The following ASIC2 variants were observed in gnomAD, a reference collection of about 807,000 sequenced individuals.
The protein encoded by ASIC2 is acid-sensing ion channel 2.
A neutral mutation model predicts 57.3 loss-of-function variants in ASIC2; 25 were observed. That is an observed-to-expected ratio of 0.44 (90% CI 0.32 to 0.61). The LOEUF is 0.61. ASIC2 is among the 20% of genes least tolerant of loss of function. The probability of loss-of-function intolerance (pLI) is 0.06; values close to 1 mark genes in which losing one functional copy is unlikely to be tolerated. For synonymous variants in ASIC2, 319 were observed against 307.5 expected (o/e 1.04, Z -0.39); for missense variants, 641 against 738.1 (o/e 0.87, Z 1.52).
intron 1 of ASIC2, among the ~76,000 whole-genome samples, chr17:33,355,484 G>T (rs1908341199): frequency 6.6e-6 from 1 of 151,940 alleles, no homozygotes; most frequent in East Asian, 1.9e-4. Context: ...AAATTTTCTG[G>T]AGCAGGATTT....
chr17:33,866,374 A>G (rs1272810704), intron 1 of ASIC2, among the ~76,000 whole-genome samples: 2 of 152,116 alleles, frequency 1.3e-5, no homozygotes, highest in Non-Finnish European at 2.9e-5. Flanking sequence ...ATTATATTCC[A>G]TTGTATGGAT....
intron 2 of ASIC2, among the ~76,000 whole-genome samples, chr17:33,104,024 T>C (rs2092225068): frequency 6.6e-6 from 1 of 152,174 alleles, no homozygotes; most frequent in African/African-American, 2.4e-5. Context: ...TCTCAAATGA[T>C]GTCTATTGGC....
chr17:33,311,700 TC>T (rs1420995058), intron 1 of ASIC2, among the ~76,000 whole-genome samples: 4 of 152,104 alleles, frequency 2.6e-5, no homozygotes, highest in Non-Finnish European at 4.4e-5. Context: ...GTGGCAGGTA[TC>T]CCAGAAGGAA....
intron 1 of ASIC2, among the ~76,000 whole-genome samples, chr17:33,288,758 AC>A (rs1362400226): frequency 1.3e-5 from 2 of 150,404 alleles, no homozygotes; most frequent in African/African-American, 2.5e-5. Flanking sequence ...ACACACACAC[AC>A]AACTAATATG....
chr17:33,746,052 A>G (rs1254278280), intron 1 of ASIC2, among the ~76,000 whole-genome samples: 2 of 152,096 alleles, frequency 1.3e-5, no homozygotes, highest in African/African-American at 4.8e-5. Context: ...ACAGGAGCAA[A>G]ATCATATTGG....
Position 33,067,707 on chromosome 17 carries a change from C to T in ASIC2, c.987+21156G>A, listed in dbSNP as rs192707774. Among the ~76,000 whole-genome samples the T allele has an allele frequency of 3.9e-5, 6 of 152,240 alleles. No individual in the cohort carries two copies. The East Asian group carries it at 9.7e-4, about 24-fold the overall frequency. ...TGACTTTCCAGAATGTCTCAATTGC[C>T]TGAAATATAACTGAACTCTCATCAG... On this transcript the variant is annotated intron_variant, in intron 3 of 9. Coordinates refer to ENST00000225823, the MANE Select transcript of ASIC2 (RefSeq NM_183377.2).
intron 1 of ASIC2, among the ~76,000 whole-genome samples, chr17:33,263,278 G>A (rs1021722685): frequency 6.6e-6 from 1 of 152,200 alleles, no homozygotes; most frequent in African/African-American, 2.4e-5. Context: ...TGAGGACAAT[G>A]CATCTCAGAA....
intron 1 of ASIC2, among the ~76,000 whole-genome samples, chr17:33,955,741 G>A (rs1904715227): frequency 6.6e-6 from 1 of 152,068 alleles, no homozygotes; most frequent in African/African-American, 2.4e-5. Context: ...CTGAGCTCCA[G>A]CCCAACAGGG....
intron 1 of ASIC2, among the ~76,000 whole-genome samples, chr17:33,548,107 T>A (rs1313624370): frequency 1.3e-5 from 2 of 152,134 alleles, no homozygotes; most frequent in African/African-American, 4.8e-5. Flanking sequence ...TATTAAGAGA[T>A]CACTAGTTCA....
intron 1 of ASIC2, among the ~76,000 whole-genome samples, chr17:33,607,319 C>A (rs1905255478): frequency 1.3e-5 from 2 of 152,102 alleles, no homozygotes; most frequent in Admixed American, 6.5e-5. Context: ...AAACATCAAC[C>A]CTGAGGGTGT....
chr17:33,456,644 G>A (rs944609432), intron 1 of ASIC2, among the ~76,000 whole-genome samples: 4 of 152,218 alleles, frequency 2.6e-5, no homozygotes, highest in African/African-American at 9.7e-5. Flanking sequence ...CAGGTGCTTA[G>A]CAGGTGATGG....
intron 1 of ASIC2, among the ~76,000 whole-genome samples, chr17:33,563,963 G>A (rs547538166): frequency 1.8e-4 from 28 of 152,142 alleles, no homozygotes; most frequent in Non-Finnish European, 2.8e-4. Context: ...TCTGGTACTC[G>A]AATATTTCTT....
chr17:33,708,420 G>A (rs147817980), intron 1 of ASIC2, among the ~76,000 whole-genome samples: 1 of 152,014 alleles, frequency 6.6e-6, no homozygotes, highest in Admixed American at 6.5e-5. Flanking sequence ...CTTCATAAGC[G>A]CATGCTTTTA....
At chr17:33,893,992 G>T (rs181016315) in intron 1 of ASIC2, among the ~76,000 whole-genome samples, 1 of 150,858 alleles carries the variant, frequency 6.6e-6, no homozygotes, top group Non-Finnish European at 1.5e-5. Flanking sequence ...TGCCCCTTGA[G>T]CATCATCTGA....
intron 1 of ASIC2, among the ~76,000 whole-genome samples, chr17:33,646,501 T>G (rs1906744645): frequency 6.6e-6 from 1 of 152,100 alleles, no homozygotes; most frequent in African/African-American, 2.4e-5. Flanking sequence ...GGAAGACGAG[T>G]GTGCTCTTGG....
intron 1 of ASIC2, among the ~76,000 whole-genome samples, chr17:33,468,673 CCCCCA>C (rs1187459437): frequency 6.6e-6 from 1 of 150,694 alleles, no homozygotes; most frequent in Non-Finnish European, 1.5e-5. Context: ...TATATGTATA[CCCCCA>C]CCCCACCCCC....
intron 1 of ASIC2, among the ~76,000 whole-genome samples, chr17:33,284,831 C>T (rs978638195): frequency 6.6e-6 from 1 of 152,088 alleles, no homozygotes; most frequent in East Asian, 1.9e-4. Flanking sequence ...TAACAGGTAC[C>T]CAATACAAAT....
chr17:33,249,437 G>A (rs1908807214), intron 1 of ASIC2, among the ~76,000 whole-genome samples: 1 of 152,158 alleles, frequency 6.6e-6, no homozygotes, highest in Admixed American at 6.5e-5. Flanking sequence ...GATGAGCAAG[G>A]GAGCGAGGGT....
intron 1 of ASIC2, among the ~76,000 whole-genome samples, chr17:33,662,623 AAAAATAAAT>A (rs1170822103): frequency 4.1e-5 from 5 of 122,688 alleles, no homozygotes; most frequent in Admixed American, 1.8e-4. Flanking sequence ...ACTCTGTCTC[AAAAATAAAT>A]AAATAAATAA....
Sources: gnomAD v4.1 joint callset for allele counts (sites outside exome capture counted in the v4.1 genomes callset) on GRCh38, gnomAD v4.1.1 for gene constraint, MANE v1.5 for transcripts, NCBI Gene and HGNC (gene_info 2026-07-23, HGNC 2026-07-21) for gene names.